Variants in INTS6 observed in about 807,000 individuals in gnomAD.
INTS6 encodes the protein integrator complex subunit 6.
In INTS6, 16 loss-of-function variants were observed where a neutral mutation model predicts 104.9. The observed-to-expected ratio is 0.15, with a 90% CI of 0.10 to 0.23. The LOEUF is 0.23. Ranked by LOEUF, INTS6 falls within the 10% of genes least tolerant of loss-of-function variation. The probability of loss-of-function intolerance (pLI) is 1.00; values close to 1 mark genes in which losing one functional copy is unlikely to be tolerated. For synonymous variants in INTS6, 324 were observed against 358.7 expected (o/e 0.90, Z 1.09); for missense variants, 584 against 1,062.8 (o/e 0.55, Z 6.26).
rs755715412 is a variant in INTS6 at position 51,384,793 on chromosome 13, C to A, written c.895-1052G>T. 2.0e-4 allele frequency: 84 copies of A among 426,662 alleles called. 2 individuals are homozygous for A. Among genetic ancestry groups the A allele is most frequent in the South Asian group, 9.9e-4 (58 of 58,834 alleles). The allele number at this position is 426,662 out of a possible 1,614,324, so 26.4% of individuals were successfully genotyped here. ...GTCATTACTAGTTGCTGCCTTCTGT[C>A]AATACTAAACTCTCATCTCTCTAGA... On this transcript the variant is annotated intron_variant, in intron 7 of 17. Transcript: ENST00000311234.
chr13:51,347,049 G>T, the INTS6 span: 1 of 1,590,000 alleles, frequency 6.3e-7, no homozygotes, highest in Non-Finnish European at 8.6e-7. Context: ...GAGGGCCCTG[G>T]TGGCTGGCCG....
At chr13:51,404,103 C>CACACACACACACACACAG (rs1491389220) in intron 4 of INTS6, among the ~76,000 whole-genome samples, 197 of 103,938 alleles carry the variant, frequency 1.9e-3, no homozygotes, top group Non-Finnish European at 2.6e-3. Flanking sequence ...CACACACACA[C>CACACACACACACACACAG]AGAGAGAGAG....
intron 3 of INTS6, chr13:51,439,253 G>C (rs965019151): frequency 1.3e-5 from 2 of 151,904 alleles, no homozygotes; most frequent in East Asian, 3.9e-4. Context: ...CACCTCATTT[G>C]GGCAAAAACT....
chr13:51,355,465 ATTC>A (rs2137806616), intron 3 of INTS6, among the ~76,000 whole-genome samples: 1 of 152,188 alleles, frequency 6.6e-6, no homozygotes, highest in South Asian at 2.1e-4. Flanking sequence ...GCAGCAATAG[ATTC>A]TTCATTATGA....
In INTS6 at chr13:51,452,090, G is replaced by A. The variant is rs780119570; in HGVS notation, c.112-35C>T. 1.7e-5 allele frequency: 27 copies of A among 1,592,918 alleles called. No individual in the cohort carries two copies. Among genetic ancestry groups the A allele is most frequent in the Non-Finnish European group, 2.2e-5 (26 of 1,165,146 alleles). On this transcript the variant is annotated intron_variant, in intron 1 of 17. Coordinates refer to ENST00000311234, the MANE Select transcript of INTS6 (RefSeq NM_012141.3). The surrounding 1 kb of genome is among the most constrained non-coding windows in gnomAD (Gnocchi z 4.2). ...GGGAGGAGGAACAGGGCGGGCGACA[G>A]GGAAGCACAGAGGCGAGGTTACGAG...
chr13:51,364,135 T>G lies in INTS6; in HGVS notation c.*1617A>C. 2.0e-6 allele frequency: 1 copy of G among 511,552 alleles called. No homozygotes were observed. 31.7% of individuals were successfully genotyped at this position (511,552 alleles called of 1,614,324 possible). A position where few individuals can be genotyped will look rare whatever the true frequency, so the allele number is the denominator to read the frequency against. ...TACCTTAACAATTCCATCTATTAAA[T>G]GTTATCTTGCATTACTTAAAAGTAT... On this transcript the variant is annotated 3_prime_UTR_variant, in exon 18 of 18. Transcript: ENST00000311234.
At chr13:51,430,592 A>C (rs1957073115) in intron 3 of INTS6, among the ~76,000 whole-genome samples, 1 of 152,218 alleles carries the variant, frequency 6.6e-6, no homozygotes, top group African/African-American at 2.4e-5. Flanking sequence ...TTAGGTAGAG[A>C]AAGAGGTGGA....
the INTS6 span, chr13:51,347,217 C>A: frequency 1.9e-6 from 3 of 1,613,790 alleles, no homozygotes; most frequent in Admixed American, 1.7e-5. Context: ...ATGCACCAAA[C>A]GACCGAGGTC....
chr13:51,381,805 C>T (rs1199796565), intron 10 of INTS6, among the ~76,000 whole-genome samples: 3 of 151,314 alleles, frequency 2.0e-5, no homozygotes, highest in Non-Finnish European at 2.9e-5. Context: ...CGGTTTCAAG[C>T]GATTCTCCTG....
chr13:51,348,102 G>T, the INTS6 span: 2 of 773,056 alleles, frequency 2.6e-6, no homozygotes, highest in Middle Eastern at 3.3e-4. Flanking sequence ...TGAGGTGGAT[G>T]CTCGGTTTTA....
chr13:51,368,829 T>A, intron 16 of INTS6, 110 bp downstream of exon 16: 1 of 1,117,648 alleles, frequency 8.9e-7, no homozygotes, highest in East Asian at 2.4e-5. Flanking sequence ...TCAAGACAGA[T>A]CTAGAATCAT....
At chr13:51,381,138 C>T (rs1279912508) in intron 10 of INTS6, among the ~76,000 whole-genome samples, 2 of 152,018 alleles carry the variant, frequency 1.3e-5, no homozygotes. Flanking sequence ...TTAAAGTATA[C>T]AAGAGAATGT....
intron 5 of INTS6, among the ~76,000 whole-genome samples, chr13:51,393,577 G>A (rs903075223): frequency 1.3e-5 from 2 of 152,038 alleles, no homozygotes; most frequent in Admixed American, 6.5e-5. Context: ...ACATTTGAGC[G>A]GCTTACTCTT....
Position 51,452,204 on chromosome 13 carries a change from C to G in INTS6, c.112-149G>C. On this transcript the variant is annotated intron_variant, in intron 1 of 17. Coordinates refer to ENST00000311234, the MANE Select transcript of INTS6 (RefSeq NM_012141.3). The surrounding 1 kb of genome is among the most constrained non-coding windows in gnomAD (Gnocchi z 4.2). ...TCCACGCCGTCCCCCACACACAGAT[C>G]GCTCCCCACACACCGCCCGGGGCCG... 8.4e-6 allele frequency: 6 copies of G among 717,926 alleles called. No homozygotes were observed. Among genetic ancestry groups the G allele is most frequent in the Non-Finnish European group, 1.0e-5 (5 of 486,502 alleles). 44.5% of individuals were successfully genotyped at this position (717,926 alleles called of 1,614,324 possible). A position where few individuals can be genotyped will look rare whatever the true frequency, so the allele number is the denominator to read the frequency against.
At chr13:51,380,334 G>A (rs1956021804) in intron 10 of INTS6, among the ~76,000 whole-genome samples, 2 of 152,236 alleles carry the variant, frequency 1.3e-5, no homozygotes, top group South Asian at 4.1e-4. Flanking sequence ...TCTAGCATTT[G>A]TGAATCGGAT....
intron 3 of INTS6, among the ~76,000 whole-genome samples, chr13:51,431,137 G>A (rs193013294): frequency 3.3e-5 from 5 of 152,198 alleles, no homozygotes; most frequent in East Asian, 1.9e-4. Flanking sequence ...AGTTCTAGGC[G>A]ACACATCTGT....
At chr13:51,430,551 C>T (rs1283996677) in intron 3 of INTS6, among the ~76,000 whole-genome samples, 168 bp from the exon 4 acceptor site, 1 of 152,072 alleles carries the variant, frequency 6.6e-6, no homozygotes, top group Non-Finnish European at 1.5e-5. Context: ...GACACATAAA[C>T]TAAACAGTGA....
intron 3 of INTS6, chr13:51,446,395 A>G (rs2138162894): frequency 6.6e-6 from 1 of 152,330 alleles, no homozygotes; most frequent in South Asian, 2.1e-4. Context: ...ATGTCAAAGT[A>G]AAACAGAAAA....
Position 51,361,689 on chromosome 13 carries a change from A to C in INTS6, c.*4063T>G, listed in dbSNP as rs1955580297. On this transcript the variant is annotated 3_prime_UTR_variant, in exon 18 of 18. Coordinates refer to ENST00000311234, the MANE Select transcript of INTS6 (RefSeq NM_012141.3). Reference sequence around the variant, plus strand: ...CCATCTGCACCCCCATCACAACAGTAAACAATCAAATGCCATTAGGATGCT... The same window carrying C: ...CCATCTGCACCCCCATCACAACAGTCAACAATCAAATGCCATTAGGATGCT... 4.5e-6 allele frequency: 4 copies of C among 879,900 alleles called. No individual in the cohort carries two copies. The highest frequency in any genetic ancestry group is 3.4e-5 in the African/African-American group (2 of 58,678). 54.5% of individuals were successfully genotyped at this position (879,900 alleles called of 1,614,324 possible). A position where few individuals can be genotyped will look rare whatever the true frequency, so the allele number is the denominator to read the frequency against.
Sources: gnomAD v4.1 joint callset for allele counts (sites outside exome capture counted in the v4.1 genomes callset) on GRCh38, gnomAD v4.1.1 for gene constraint, Gnocchi (gnomAD v3.1) non-coding constraint, MANE v1.5 for transcripts, NCBI Gene and HGNC (gene_info 2026-07-23, HGNC 2026-07-21) for gene names.